The following EFCAB9 variants were observed in gnomAD, a reference collection of about 807,000 sequenced individuals.
EFCAB9 encodes EF-hand calcium-binding domain-containing protein 9.
In EFCAB9, 16 loss-of-function variants were observed where a neutral mutation model predicts 15.6. The observed-to-expected ratio is 1.03, with a 90% confidence interval of 0.69 to 1.56. The LOEUF is 1.56. Among genes scored for constraint, EFCAB9 ranks in the 40% most tolerant of loss-of-function variants. EFCAB9 has a pLI of 0.00. For missense variants in EFCAB9, 208 were observed against 235.4 expected (o/e 0.88, Z 0.76); for synonymous variants, 76 against 85.4 (o/e 0.89, Z 0.61).
Position 172,203,250 on chromosome 5 carries a change from A to G in EFCAB9, c.499A>G (p.Ile167Val), listed in dbSNP as rs1345173932. The G allele has an allele frequency of 1.3e-6, 2 of 1,536,482 alleles. No individual in the cohort carries two copies. Among genetic ancestry groups the G allele is most frequent in the South Asian group, 1.2e-5 (1 of 84,026 alleles). Residue 167 changes from isoleucine (I) to valine (V), a missense_variant, in exon 4 of 4, where the codon ATC becomes GTC. By Grantham distance (29) the Ile-to-Val change is conservative. Transcript: ENST00000398186. ...TCAGGAATTTAAGCTGTATACAATCATCTACACTGACAAATTACAGAAGAG... is the reference window on the plus strand; with the variant it reads ...TCAGGAATTTAAGCTGTATACAATCGTCTACACTGACAAATTACAGAAGAG... ...NYQEFKLYTI[I>V]YTDKLQKRQK... is the part of the protein sequence containing the mutation.
intron 1 of EFCAB9, among the ~76,000 whole-genome samples, chr5:172,195,981 T>G (rs761391416): frequency 1.3e-5 from 2 of 152,042 alleles, no homozygotes; most frequent in Non-Finnish European, 2.9e-5. Context: ...TTCTGTATTC[T>G]TAGTAAAGAC....
intron 3 of EFCAB9, among the ~76,000 whole-genome samples, chr5:172,201,066 C>A (rs1561843525): frequency 6.6e-6 from 1 of 152,070 alleles, no homozygotes; most frequent in East Asian, 1.9e-4. Flanking sequence ...AACCCTGTCT[C>A]TACTAAAAAT....
intron 2 of EFCAB9, among the ~76,000 whole-genome samples, chr5:172,200,194 A>G (rs1390856043): frequency 1.3e-5 from 2 of 152,108 alleles, no homozygotes; most frequent in Non-Finnish European, 1.5e-5. Context: ...TGCTGGGATT[A>G]TAGGTGTGAG....
At chr5:172,199,639 G>A in intron 2 of EFCAB9, 108 bp downstream of exon 2, 1 of 1,426,556 alleles carries the variant, frequency 7.0e-7, no homozygotes, top group Non-Finnish European at 9.3e-7. Flanking sequence ...AAAGATGGGT[G>A]GTGGGGAAAA....
chr5:172,198,233 G>A (rs750633900), intron 1 of EFCAB9, among the ~76,000 whole-genome samples: 82 of 152,198 alleles, frequency 5.4e-4, no homozygotes, highest in Non-Finnish European at 9.7e-4. Flanking sequence ...ACATGGCTGG[G>A]TGCACTGGCT....
chr5:172,201,998 C>T (rs1421461464), intron 3 of EFCAB9, among the ~76,000 whole-genome samples: 2 of 152,182 alleles, frequency 1.3e-5, no homozygotes. Context: ...CTGGACTTCA[C>T]ATGGTAATGA....
Position 172,203,362 on chromosome 5 carries a change from TC to T in EFCAB9, c.*18del, listed in dbSNP as rs1771291570. 6.6e-7 allele frequency: 1 copy of T among 1,519,392 alleles called. No individual in the cohort carries two copies. Among genetic ancestry groups the T allele is most frequent in the African/African-American group, 1.4e-5 (1 of 71,250 alleles). 94.1% of individuals were successfully genotyped at this position (1,519,392 alleles called of 1,614,324 possible). A position where few individuals can be genotyped will look rare whatever the true frequency, so the allele number is the denominator to read the frequency against. ...ATCAAGTAGATACAAGCTGAAAGAG[TC>T]TTGGAAAAAAATGGGATCTGAAAGT... is the stretch of plus-strand genomic sequence containing the variant. On this transcript the variant is annotated 3_prime_UTR_variant, in exon 4 of 4. Coordinates refer to ENST00000398186, the MANE Select transcript of EFCAB9 (RefSeq NM_001171183.2).
At chr5:172,202,604 A>T (rs902699636) in intron 3 of EFCAB9, among the ~76,000 whole-genome samples, 3 of 151,952 alleles carry the variant, frequency 2.0e-5, no homozygotes, top group Admixed American at 1.3e-4. Flanking sequence ...GTTACTCGGG[A>T]GGCTGAGATG....
rs1038613696 is a variant in EFCAB9, at chr5:172,200,686, A to C, written c.406A>C (p.Ile136Leu). ...CGAAATGTACAGATTTCTCTTCAAT[A>C]TTCAAAAACAGGAACTCAAAGATCT... ...NFEMYRFLFN[I>L]QKQELKDLFR... The change falls in exon 3 of 4, where the codon ATT (isoleucine) becomes CTT (leucine). Residue 136 changes from isoleucine to leucine, a missense_variant. By Grantham distance (5) the Ile-to-Leu change is conservative. Coordinates refer to ENST00000398186, the MANE Select transcript of EFCAB9 (RefSeq NM_001171183.2). 1.4e-5 allele frequency: 21 copies of C among 1,537,568 alleles called. No homozygotes were observed. The highest frequency in any genetic ancestry group is 2.0e-5 in the Admixed American group (1 of 50,984).
rs1161440562 is a variant in EFCAB9 at position 172,202,353 on chromosome 5, A to G, written c.463-861A>G. Among the ~76,000 whole-genome samples the G allele has an allele frequency of 2.7e-5, 4 of 149,364 alleles. 1 individual carries two copies. The highest frequency in any genetic ancestry group is 2.1e-4 in the South Asian group (1 of 4,774). On this transcript the variant is annotated intron_variant, in intron 3 of 3. Coordinates refer to ENST00000398186, the MANE Select transcript of EFCAB9 (RefSeq NM_001171183.2). ...ATCTCAAAAAAAAAAAAAAAAAAAA[A>G]AAAGAAAGTAATGGCAAAAGCCGCA...
intron 2 of EFCAB9, 66 bp from the exon 3 acceptor site, chr5:172,200,499 AG>A (rs1446415344): frequency 1.8e-5 from 26 of 1,451,752 alleles, no homozygotes; most frequent in Non-Finnish European, 2.4e-5. Context: ...ATATGTCTTG[AG>A]GAAACAAGTT....
intron 2 of EFCAB9, 133 bp downstream of exon 2, chr5:172,199,664 C>G: frequency 7.5e-7 from 1 of 1,338,332 alleles, no homozygotes; most frequent in Non-Finnish European, 1.0e-6. Context: ...TTTTGGTTCC[C>G]GAATGGTTCA....
intron 1 of EFCAB9, among the ~76,000 whole-genome samples, chr5:172,196,611 G>C (rs770292271): frequency 2.6e-4 from 39 of 152,016 alleles, no homozygotes; most frequent in Non-Finnish European, 4.3e-4. Context: ...CGTGACCTCA[G>C]GTCATCCTCC....
At chr5:172,194,833 T>C (rs896319628) in intron 1 of EFCAB9, among the ~76,000 whole-genome samples, 5 of 152,148 alleles carry the variant, frequency 3.3e-5, no homozygotes, top group Admixed American at 1.3e-4. Flanking sequence ...CCATTATTCC[T>C]TGGTGATGTG....
chr5:172,194,858 G>A (rs1472611919), intron 1 of EFCAB9, among the ~76,000 whole-genome samples: 2 of 151,838 alleles, frequency 1.3e-5, no homozygotes, highest in Non-Finnish European at 2.9e-5. Flanking sequence ...ACACGTCATC[G>A]CCCTCTCTAA....
rs144365296 is a variant in EFCAB9, at chr5:172,199,311, A to G, written c.137-72A>G. On this transcript the variant is annotated intron_variant, in intron 1 of 3. Transcript: ENST00000398186. ...AGCTTCCAACATCACTACCATTTAC[A>G]TGGCTTCTAGCTGTTTAGCATTTTG... is the stretch of plus-strand genomic sequence containing the variant. The G allele has an allele frequency of 5.7e-4, 834 of 1,475,622 alleles. 7 individuals are homozygous for G. The African/African-American group carries it at 0.01, about 18-fold the overall frequency. The allele number at this position is 1,475,622 out of a possible 1,614,324, so 91.4% of individuals were successfully genotyped here.
At chr5:172,203,158 C>A in intron 3 of EFCAB9, 56 bp from the exon 4 acceptor site, 2 of 1,419,436 alleles carry the variant, frequency 1.4e-6, no homozygotes, top group African/African-American at 1.5e-5. Context: ...TCATCTGAAA[C>A]AAAGTATGAA....
At chr5:172,202,340 A>G (rs1454297601) in intron 3 of EFCAB9, among the ~76,000 whole-genome samples, 6 of 145,724 alleles carry the variant, frequency 4.1e-5, no homozygotes, top group Non-Finnish European at 7.5e-5. Context: ...CTCAAAAAAA[A>G]AAAAAAAAAA....
At position 172,199,600 on chromosome 5, in the gene EFCAB9, T is replaced by G. The variant is rs1581200841; in HGVS notation, c.285+69T>G. The G allele has an allele frequency of 4.7e-6, 7 of 1,493,018 alleles. No individual in the cohort carries two copies. In the East Asian group the frequency reaches 1.5e-4, roughly 32 times the overall value. 92.5% of individuals were successfully genotyped at this position (1,493,018 alleles called of 1,614,324 possible). On this transcript the variant is annotated intron_variant, in intron 2 of 3. Transcript: ENST00000398186. Reference sequence around the variant, plus strand: ...CACTGAATTAGGAATGCATCAGAAGTTTTCCTCCTTTCACTAAAAAGAGGA... The same window carrying G: ...CACTGAATTAGGAATGCATCAGAAGGTTTCCTCCTTTCACTAAAAAGAGGA...
Sources: gnomAD v4.1 joint callset for allele counts (sites outside exome capture counted in the v4.1 genomes callset) on GRCh38, gnomAD v4.1.1 for gene constraint, MANE v1.5 for transcripts, NCBI Gene and HGNC (gene_info 2026-07-23, HGNC 2026-07-21) for gene names.